The following ORMDL1 variants were observed in gnomAD, a reference collection of about 807,000 sequenced individuals.
ORMDL1 encodes ORMDL sphingolipid biosynthesis regulator 1.
ORMDL1 carries 10 observed loss-of-function variants against 13.0 expected under a neutral mutation model. That is an observed-to-expected ratio of 0.77 (90% CI 0.47 to 1.30). The LOEUF is 1.30. Among genes scored for constraint, ORMDL1 ranks in the 50% most tolerant of loss-of-function variants. ORMDL1 has a pLI of 0.00. For missense variants in ORMDL1, 171 were observed against 186.7 expected (o/e 0.92, Z 0.49); for synonymous variants, 61 against 63.9 (o/e 0.95, Z 0.22).
rs2047877193 is a variant in ORMDL1, at chr2:189,782,499, G to T, written c.97C>A (p.Leu33Ile). The T allele has an allele frequency of 1.2e-6, 2 of 1,614,022 alleles. No individual in the cohort carries two copies. Among genetic ancestry groups the T allele is most frequent in the Non-Finnish European group, 1.7e-6 (2 of 1,180,010 alleles). The change falls in exon 3 of 5, where the codon CTT becomes ATT. Residue 33 changes from leucine (L) to isoleucine (I), a missense_variant. Transcript: ENST00000392349. ...WLTYALGVGL[L>I]HIVLLSIPFF... ...GGAATGCTGAGTAAGACAATATGAA[G>T]CAAGCCAACTCCCAATGCATATGTC...
At chr2:189,764,837 CTT>C in the ORMDL1 span, 1 of 151,278 alleles carries the variant, frequency 6.6e-6, no homozygotes, top group Non-Finnish European at 1.5e-5. Context: ...ATATAAGAAT[CTT>C]TCTTTTTTTT....
At chr2:189,781,165 T>C (rs1282799982) in intron 3 of ORMDL1, among the ~76,000 whole-genome samples, 1 of 152,150 alleles carries the variant, frequency 6.6e-6, no homozygotes, top group East Asian at 1.9e-4. Flanking sequence ...TCAAGTGATC[T>C]GTCCACCTCA....
At chr2:189,769,739 T>C (rs1004348356), downstream of ORMDL1, among the ~76,000 whole-genome samples, 3 of 152,048 alleles carry the variant, frequency 2.0e-5, no homozygotes, top group Non-Finnish European at 4.4e-5. Flanking sequence ...AAGGGACAAA[T>C]CTTCCTTATA....
downstream of ORMDL1, among the ~76,000 whole-genome samples, chr2:189,767,905 C>G (rs2106134289): frequency 6.6e-6 from 1 of 152,238 alleles, no homozygotes; most frequent in Middle Eastern, 3.4e-3. Flanking sequence ...TCTGTGAGGC[C>G]AACATTCAAC....
intron 3 of ORMDL1, among the ~76,000 whole-genome samples, chr2:189,780,971 T>C (rs1265446145): frequency 6.6e-6 from 1 of 152,206 alleles, no homozygotes; most frequent in East Asian, 1.9e-4. Flanking sequence ...TGGAGTGCAG[T>C]GGCACGATCT....
intron 4 of ORMDL1, among the ~76,000 whole-genome samples, chr2:189,774,254 G>T (rs1318332967): frequency 6.6e-6 from 1 of 152,090 alleles, no homozygotes; most frequent in African/African-American, 2.4e-5. Flanking sequence ...TAACTCCTAG[G>T]CTCAAACCAT....
At chr2:189,780,675 AG>A (rs2106155641) in intron 3 of ORMDL1, among the ~76,000 whole-genome samples, 1 of 152,328 alleles carries the variant, frequency 6.6e-6, no homozygotes, top group South Asian at 2.1e-4. Context: ...AAGAAAGAGA[AG>A]GTCAGAAATA....
intron 3 of ORMDL1, 116 bp from the exon 4 acceptor site, chr2:189,775,832 G>A (rs2047684196): frequency 2.0e-5 from 19 of 970,176 alleles, no homozygotes; most frequent in East Asian, 8.6e-5. Context: ...AACTGAGTTC[G>A]TTTTAAGCTT....
intron 4 of ORMDL1, among the ~76,000 whole-genome samples, chr2:189,773,613 T>C (rs1364485605): frequency 6.7e-6 from 1 of 149,848 alleles, no homozygotes; most frequent in African/African-American, 2.5e-5. Flanking sequence ...TCCCAGCTAC[T>C]GGGGAGGCTG....
At position 189,781,203 on chromosome 2, in the gene ORMDL1, A is replaced by T. The variant is rs557810102; in HGVS notation, c.174+1219T>A. Among the ~76,000 whole-genome samples the T allele has an allele frequency of 3.3e-5, 5 of 152,318 alleles. No homozygotes were observed. The East Asian group carries it at 9.7e-4, about 29-fold the overall frequency. On this transcript the variant is annotated intron_variant, in intron 3 of 4. Coordinates refer to ENST00000392349, the MANE Select transcript of ORMDL1 (RefSeq NM_016467.5). ...CTCCCAAAGCACTGGGATTACAGGC[A>T]TGAGCCACCGTGACTGGCCAAAATA...
chr2:189,783,735 C>A (rs762144932), intron 1 of ORMDL1, among the ~76,000 whole-genome samples: 3 of 152,218 alleles, frequency 2.0e-5, no homozygotes, highest in Non-Finnish European at 4.4e-5. Context: ...ATAGTTTTCC[C>A]ACGTTCCACA....
chr2:189,777,514 A>T (rs1055027773), intron 3 of ORMDL1, among the ~76,000 whole-genome samples: 5 of 152,240 alleles, frequency 3.3e-5, no homozygotes, highest in African/African-American at 1.2e-4. Flanking sequence ...TTAGAATATC[A>T]AAACAGTTTA....
intron 4 of ORMDL1, among the ~76,000 whole-genome samples, chr2:189,773,013 A>G (rs1014037223): frequency 6.6e-6 from 1 of 152,198 alleles, no homozygotes; most frequent in African/African-American, 2.4e-5. Context: ...CATATATTTG[A>G]AGACTAAATT....
downstream of ORMDL1, among the ~76,000 whole-genome samples, chr2:189,767,801 A>G (rs2047507527): frequency 6.6e-6 from 1 of 152,202 alleles, no homozygotes; most frequent in Non-Finnish European, 1.5e-5. Flanking sequence ...AATGAAATAA[A>G]TTACAGTGCT....
intron 3 of ORMDL1, chr2:189,778,193 G>A (rs902444157): frequency 2.1e-5 from 9 of 420,860 alleles, no homozygotes; most frequent in Admixed American, 8.5e-5. Flanking sequence ...TTGGGAGTTC[G>A]AGACCAGCCT....
chr2:189,766,700 G>A (rs1217888669), downstream of ORMDL1, among the ~76,000 whole-genome samples: 1 of 149,246 alleles, frequency 6.7e-6, no homozygotes, highest in Non-Finnish European at 1.5e-5. Flanking sequence ...CTCCAGCCTA[G>A]GCAACAGAAG....
Position 189,775,498 on chromosome 2 carries a change from C to A in ORMDL1, c.326+67G>T, listed in dbSNP as rs10197577. The A allele has an allele frequency of 6.2e-3, 8,986 of 1,445,390 alleles. 503 individuals carry two copies. The African/African-American group carries it at 0.12, about 19-fold the overall frequency. The allele number at this position is 1,445,390 out of a possible 1,614,324, so 89.5% of individuals were successfully genotyped here. A position where few individuals can be genotyped will look rare whatever the true frequency, so the allele number is the denominator to read the frequency against. Reference sequence around the variant, plus strand: ...ACAAAATATGTTTCTAATTCCAATTCAATCTGATGAAAAGATATCTTCCTC... The same window carrying A: ...ACAAAATATGTTTCTAATTCCAATTAAATCTGATGAAAAGATATCTTCCTC... On this transcript the variant is annotated intron_variant, in intron 4 of 4. Transcript: ENST00000392349.
At chr2:189,775,782 A>G in intron 3 of ORMDL1, 66 bp from the exon 4 acceptor site, 1 of 1,487,148 alleles carries the variant, frequency 6.7e-7, no homozygotes, top group Admixed American at 2.0e-5. Context: ...TGTCAGTAGC[A>G]TTAACGAGGT....
chr2:189,764,470 C>T, the ORMDL1 span: 1 of 152,136 alleles, frequency 6.6e-6, no homozygotes, highest in Non-Finnish European at 1.5e-5. Context: ...AACTCTAGGG[C>T]ACATTAGTAT....
Sources: allele counts gnomAD v4.1 joint callset (sites outside exome capture counted in the v4.1 genomes callset), GRCh38; gene constraint gnomAD v4.1.1; transcripts MANE v1.5; gene names NCBI Gene and HGNC (gene_info 2026-07-23, HGNC 2026-07-21).